Variants in SNAPC1 observed in about 807,000 individuals in gnomAD.
SNAPC1 encodes snRNA-activating protein complex subunit 1.
SNAPC1 carries 42 observed loss-of-function variants against 50.1 expected under a neutral mutation model. The ratio of observed to expected loss-of-function variants is 0.84; its 90% CI spans 0.65 to 1.08. The LOEUF is 1.08. SNAPC1 is among the 50% of genes least tolerant of loss of function. SNAPC1 has a pLI of 0.00. For synonymous variants in SNAPC1, 164 were observed against 144.2 expected (o/e 1.14, Z -0.98); for missense variants, 477 against 427.3 (o/e 1.12, Z -1.02).
intron 4 of SNAPC1, among the ~76,000 whole-genome samples, chr14:61,774,290 C>T (rs921704956): frequency 1.3e-5 from 2 of 151,830 alleles, no homozygotes; most frequent in Non-Finnish European, 2.9e-5. Flanking sequence ...GTGCACACTA[C>T]TGTGCCTGGC....
chr14:61,784,879 A>G (rs969501098), intron 8 of SNAPC1, among the ~76,000 whole-genome samples: 1 of 152,178 alleles, frequency 6.6e-6, no homozygotes, highest in African/African-American at 2.4e-5. Context: ...GAAGGGAGAT[A>G]TGACATCAGA....
chr14:61,782,902 AAAAC>A (rs1371168844), intron 8 of SNAPC1, among the ~76,000 whole-genome samples: 16 of 152,220 alleles, frequency 1.1e-4, no homozygotes, highest in African/African-American at 1.7e-4. Context: ...CAAGACTCTC[AAAAC>A]AAACAAACAA....
At chr14:61,779,253 T>C (rs539068513) in intron 7 of SNAPC1, among the ~76,000 whole-genome samples, 2 of 152,236 alleles carry the variant, frequency 1.3e-5, no homozygotes, top group South Asian at 2.1e-4. Flanking sequence ...TTAATACATA[T>C]AATGTAACTT....
intron 8 of SNAPC1, among the ~76,000 whole-genome samples, chr14:61,791,673 C>T (rs1040717425): frequency 2.6e-5 from 4 of 151,416 alleles, no homozygotes; most frequent in Admixed American, 6.6e-5. Context: ...CATGGTGGAA[C>T]CCCCATCTCT....
chr14:61,782,593 A>G lies in SNAPC1; in HGVS notation c.976+196A>G, dbSNP rs563588897. Reference sequence around the variant, plus strand: ...GAAAGGGATCCTAGGAATCATATCAAATGTATCGTTTTATAGATGATGAAA... The same window carrying G: ...GAAAGGGATCCTAGGAATCATATCAGATGTATCGTTTTATAGATGATGAAA... On this transcript the variant is annotated intron_variant, in intron 8 of 9. Transcript: ENST00000216294. 2.2e-3 allele frequency among the ~76,000 whole-genome samples: 339 copies of G among 152,296 alleles called. 2 individuals carry two copies. The highest frequency in any genetic ancestry group is 3.9e-3 in the Non-Finnish European group (262 of 68,030).
intron 8 of SNAPC1, among the ~76,000 whole-genome samples, chr14:61,790,824 A>C (rs558227774): frequency 6.6e-6 from 1 of 152,026 alleles, no homozygotes; most frequent in Admixed American, 6.5e-5. Context: ...CACTTAAGTA[A>C]ATTTGTTGTT....
chr14:61,782,528 T>A, intron 8 of SNAPC1, 131 bp downstream of exon 8: 1 of 622,714 alleles, frequency 1.6e-6, no homozygotes, highest in Non-Finnish European at 2.7e-6. Flanking sequence ...GATTTAATAT[T>A]AAAAATAAAT....
At chr14:61,771,782 C>G (rs118090372) in intron 4 of SNAPC1, among the ~76,000 whole-genome samples, 13 of 152,246 alleles carry the variant, frequency 8.5e-5, no homozygotes, top group Non-Finnish European at 1.8e-4. Context: ...AGAAGGCATA[C>G]TTTTTCCTTT....
rs2045162253 is a variant in SNAPC1 at position 61,792,811 on chromosome 14, T to C, written c.981T>C (p.Asn327=). 4.0e-6 allele frequency: 6 copies of C among 1,483,192 alleles called. No homozygotes were observed. The highest frequency in any genetic ancestry group is 4.6e-6 in the Non-Finnish European group (5 of 1,089,420). The allele number at this position is 1,483,192 out of a possible 1,614,324, so 91.9% of individuals were successfully genotyped here. ...GRKMSLRNKG[N]VQNIHKEDKP... ...TCATTTTCTAAATATTTCTAGGCAA[T>C]GTGCAGAATATACACAAGGAAGATA... The change falls in exon 9 of 10, where the codon AAT becomes AAC. Residue 327 remains asparagine (N), a synonymous_variant. Coordinates refer to ENST00000216294, the MANE Select transcript of SNAPC1 (RefSeq NM_003082.4).
At chr14:61,790,718 C>T (rs780456730) in intron 8 of SNAPC1, among the ~76,000 whole-genome samples, 6 of 152,088 alleles carry the variant, frequency 3.9e-5, no homozygotes, top group African/African-American at 4.8e-5. Flanking sequence ...GAGACTGGAA[C>T]GAGTCTGTCT....
intron 1 of SNAPC1, 150 bp downstream of exon 1, chr14:61,762,738 C>A: frequency 1.2e-6 from 1 of 843,290 alleles, no homozygotes; most frequent in Non-Finnish European, 1.9e-6. Context: ...TTCCCCTGTG[C>A]TCAGGCAACG....
chr14:61,766,833 A>T (rs1466041199), intron 1 of SNAPC1, 43 bp from the exon 2 acceptor site: 1 of 1,289,036 alleles, frequency 7.8e-7, no homozygotes, highest in African/African-American at 1.5e-5. Context: ...TTCATTACTT[A>T]TTCACTTAAT....
At chr14:61,793,167 C>T (rs968223535) in intron 9 of SNAPC1, among the ~76,000 whole-genome samples, 5 of 152,188 alleles carry the variant, frequency 3.3e-5, no homozygotes, top group African/African-American at 1.2e-4. Context: ...GACCTCTGAC[C>T]TGCTTTCATC....
chr14:61,773,907 C>G (rs1198168114), intron 4 of SNAPC1, among the ~76,000 whole-genome samples: 2 of 151,818 alleles, frequency 1.3e-5, no homozygotes, highest in Admixed American at 1.3e-4. Flanking sequence ...TGGGGTTTCA[C>G]CATGTTGGCC....
At chr14:61,781,651 G>T (rs1352765303) in intron 7 of SNAPC1, among the ~76,000 whole-genome samples, 1 of 152,150 alleles carries the variant, frequency 6.6e-6, no homozygotes, top group East Asian at 1.9e-4. Flanking sequence ...CATTTTCACT[G>T]CCGTCAAGTG....
At chr14:61,773,956 A>C (rs908492926) in intron 4 of SNAPC1, among the ~76,000 whole-genome samples, 1 of 148,830 alleles carries the variant, frequency 6.7e-6, no homozygotes, top group African/African-American at 2.5e-5. Flanking sequence ...TGATCCGCCT[A>C]CCTCGGCCTT....
chr14:61,769,253 G>T (rs1034407796), intron 4 of SNAPC1, among the ~76,000 whole-genome samples: 2 of 152,028 alleles, frequency 1.3e-5, no homozygotes, highest in Non-Finnish European at 2.9e-5. Flanking sequence ...AGCTACTGGG[G>T]AGGCTGAGGC....
At position 61,782,338 on chromosome 14, in the gene SNAPC1, A is replaced by G. The variant is rs967120284; in HGVS notation, c.917A>G (p.Lys306Arg). The G allele has an allele frequency of 3.1e-6, 5 of 1,613,746 alleles. No individual in the cohort carries two copies. Among genetic ancestry groups the G allele is most frequent in the Non-Finnish European group, 4.2e-6 (5 of 1,179,844 alleles). The part of the protein sequence containing the change: ...SGQGQVKATR[K>R]KEKKERLKPA... Reference sequence around the variant, plus strand: ...CAAGGGCAAGTCAAAGCAACTAGGAAAAAAGAGAAGAAAGAAAGATTGAAA... The same window carrying G: ...CAAGGGCAAGTCAAAGCAACTAGGAGAAAAGAGAAGAAAGAAAGATTGAAA... Residue 306 changes from lysine to arginine, a missense_variant, in exon 8 of 10, where the codon AAA (lysine) becomes AGA (arginine). Coordinates refer to ENST00000216294, the MANE Select transcript of SNAPC1 (RefSeq NM_003082.4).
rs1336084308 is a variant in SNAPC1 at position 61,762,466 on chromosome 14, G to A, written c.6G>A (p.Gly2=). M[G]TPPGLQTDCE... is the part of the protein sequence containing the mutation. ...GCGTGCGGGCTTCGGGTGCCATGGG[G>A]ACTCCTCCCGGCCTGCAGACCGACT... The change falls in exon 1 of 10, where the codon GGG becomes GGA. Residue 2 remains glycine (G), a synonymous_variant. Transcript: ENST00000216294. 13 of 1,613,328 alleles carry A rather than the reference G, an allele frequency of 8.1e-6. No individual in the cohort carries two copies. The highest frequency in any genetic ancestry group is 1.1e-5 in the Non-Finnish European group (13 of 1,179,940).
Sources: allele counts gnomAD v4.1 joint callset (sites outside exome capture counted in the v4.1 genomes callset), GRCh38; gene constraint gnomAD v4.1.1; transcripts MANE v1.5; gene names NCBI Gene and HGNC (gene_info 2026-07-23, HGNC 2026-07-21).